The following GPHN variants were observed in gnomAD, a reference collection of about 807,000 sequenced individuals.
GPHN encodes the protein gephyrin.
A neutral mutation model predicts 95.5 loss-of-function variants in GPHN; 17 were observed. The observed-to-expected ratio is 0.18, with a 90% CI of 0.12 to 0.27. The LOEUF (loss-of-function observed/expected upper bound fraction) is 0.27. Among genes scored for constraint, GPHN ranks in the 10% least tolerant of loss-of-function variants. The probability of loss-of-function intolerance (pLI) is 1.00; values close to 1 mark genes in which losing one functional copy is unlikely to be tolerated. For synonymous variants in GPHN, 320 were observed against 322.5 expected (o/e 0.99, Z 0.08); for missense variants, 660 against 978.1 (o/e 0.67, Z 4.34).
intron 4 of GPHN, among the ~76,000 whole-genome samples, chr14:66,871,979 A>G (rs770724919): frequency 1.1e-4 from 16 of 152,188 alleles, no homozygotes; most frequent in Admixed American, 2.0e-4. Context: ...AGATGGGATA[A>G]TGCCAGCAAA....
chr14:66,862,812 G>C (rs182808521), intron 4 of GPHN, among the ~76,000 whole-genome samples: 3 of 152,184 alleles, frequency 2.0e-5, no homozygotes, highest in Admixed American at 2.0e-4. Flanking sequence ...ACTGGGTGTA[G>C]AAGGAACATC....
At chr14:67,203,685 C>T in the GPHN span, among the ~76,000 whole-genome samples, 46 of 152,280 alleles carry the variant, frequency 3.0e-4, no homozygotes, top group Non-Finnish European at 4.1e-4. Context: ...TTTAAATGGA[C>T]GCTTTCTCAT....
the GPHN span, among the ~76,000 whole-genome samples, chr14:67,597,472 T>C: frequency 9.3e-3 from 1,413 of 151,512 alleles, 78 homozygotes; most frequent in East Asian, 0.12. Context: ...AGTGAGAACC[T>C]GTCTCAAAAA....
the GPHN span, chr14:67,345,746 C>T: frequency 2.6e-6 from 4 of 1,539,930 alleles, no homozygotes; most frequent in East Asian, 9.0e-5. Context: ...TACAGGAGTT[C>T]TCCAGGTCTT....
At chr14:67,322,135 C>T in the GPHN span, among the ~76,000 whole-genome samples, 1 of 152,020 alleles carries the variant, frequency 6.6e-6, no homozygotes, top group South Asian at 2.1e-4. Flanking sequence ...CACTTGAGTT[C>T]AGGAGTTCCA....
At chr14:67,247,436 T>C in the GPHN span, among the ~76,000 whole-genome samples, 1 of 152,184 alleles carries the variant, frequency 6.6e-6, no homozygotes, top group African/African-American at 2.4e-5. Flanking sequence ...TTTGGAATTT[T>C]CTAAGTAGAC....
chr14:66,548,113 G>A (rs1381552619), intron 1 of GPHN, among the ~76,000 whole-genome samples: 2 of 150,392 alleles, frequency 1.3e-5, no homozygotes, highest in Admixed American at 6.6e-5. Context: ...TAGTATTTCA[G>A]CCTTTTTCAT....
At chr14:66,764,388 T>C (rs1344448771) in intron 2 of GPHN, among the ~76,000 whole-genome samples, 5 of 152,170 alleles carry the variant, frequency 3.3e-5, no homozygotes, top group African/African-American at 4.8e-5. Context: ...TACCAAGTAC[T>C]GTTCTGTAAA....
the GPHN span, among the ~76,000 whole-genome samples, chr14:67,564,989 C>T: frequency 6.6e-6 from 1 of 152,100 alleles, no homozygotes; most frequent in African/African-American, 2.4e-5. Context: ...CTGTGTCTGG[C>T]CCTGTACCTG....
intron 1 of GPHN, among the ~76,000 whole-genome samples, chr14:66,667,322 C>G (rs567528916): frequency 1.8e-4 from 28 of 152,030 alleles, no homozygotes; most frequent in Non-Finnish European, 3.5e-4. Context: ...TTGTACTGAA[C>G]CAAAAAAGAG....
intron 4 of GPHN, among the ~76,000 whole-genome samples, chr14:66,858,820 A>G (rs995882496): frequency 6.6e-6 from 1 of 151,856 alleles, no homozygotes; most frequent in African/African-American, 2.4e-5. Context: ...CCACAAACTG[A>G]CTGCAGAGCC....
the GPHN span, among the ~76,000 whole-genome samples, chr14:67,474,847 C>A: frequency 6.6e-6 from 1 of 151,778 alleles, no homozygotes; most frequent in South Asian, 2.1e-4. Context: ...GCATAACTGG[C>A]TTAGCTTTCA....
chr14:66,750,189 A>C (rs1310801086), intron 2 of GPHN, among the ~76,000 whole-genome samples: 1 of 151,820 alleles, frequency 6.6e-6, no homozygotes, highest in African/African-American at 2.4e-5. Context: ...ATATTCTTCT[A>C]TTCTAGGAGT....
intron 1 of GPHN, among the ~76,000 whole-genome samples, chr14:66,533,944 A>G (rs749621417): frequency 6.6e-6 from 1 of 152,194 alleles, no homozygotes; most frequent in African/African-American, 2.4e-5. Flanking sequence ...CTAGTAGGTA[A>G]AGAAACTAAG....
chr14:66,740,110 A>G (rs543782976), intron 2 of GPHN, among the ~76,000 whole-genome samples: 2 of 152,316 alleles, frequency 1.3e-5, no homozygotes, highest in African/African-American at 2.4e-5. Flanking sequence ...AAGAGGTTCA[A>G]AACTACACTG....
chr14:66,996,474 G>A (rs560012369), intron 9 of GPHN, among the ~76,000 whole-genome samples: 16 of 152,064 alleles, frequency 1.1e-4, no homozygotes, highest in Non-Finnish European at 1.3e-4. Context: ...AACCCAGATA[G>A]CCAACTTGAT....
the GPHN span, among the ~76,000 whole-genome samples, chr14:67,297,626 T>G: frequency 6.6e-6 from 1 of 152,226 alleles, no homozygotes; most frequent in East Asian, 1.9e-4. Flanking sequence ...TGGAGGCTAT[T>G]GTAATTGTCC....
Position 66,653,852 on chromosome 14 carries a change from A to G in GPHN, c.65-27255A>G, listed in dbSNP as rs538993942. ...TTAAGGGAAATCTAGGTTGCTTTCA[A>G]TTGTGGGTAAATACAAAACTACTGT... On this transcript the variant is annotated intron_variant, in intron 1 of 22. Transcript: ENST00000478722. Among the ~76,000 whole-genome samples the G allele has an allele frequency of 4.7e-4, 72 of 152,306 alleles. 3 individuals are homozygous for G. The South Asian group carries it at 0.015, about 31-fold the overall frequency.
intron 5 of GPHN, among the ~76,000 whole-genome samples, chr14:66,898,986 G>A (rs1057382537): frequency 4.6e-5 from 7 of 151,726 alleles, no homozygotes; most frequent in African/African-American, 1.4e-4. Flanking sequence ...TGTAAATGGT[G>A]TTTTATTATT....
Sources: allele counts gnomAD v4.1 joint callset (sites outside exome capture counted in the v4.1 genomes callset), GRCh38; gene constraint gnomAD v4.1.1; transcripts MANE v1.5; gene names NCBI Gene and HGNC (gene_info 2026-07-23, HGNC 2026-07-21).